Variants in PCDH7 observed in about 807,000 individuals in gnomAD.
PCDH7 encodes protocadherin-7.
Under a neutral mutation model 58.9 loss-of-function variants are expected in PCDH7, and 17 were observed. The ratio of observed to expected loss-of-function variants is 0.29; its 90% CI spans 0.20 to 0.43. PCDH7 has a LOEUF of 0.43. PCDH7 is among the 20% of genes least tolerant of loss of function. The pLI, the probability that PCDH7 is intolerant of heterozygous loss-of-function variation, is 1.00. For missense variants in PCDH7, 1,274 were observed against 1,441.0 expected (o/e 0.88, Z 1.88); for synonymous variants, 664 against 616.4 (o/e 1.08, Z -1.14).
intron 1 of PCDH7, among the ~76,000 whole-genome samples, chr4:30,796,655 G>A (rs1011280722): frequency 5.3e-5 from 8 of 152,160 alleles, no homozygotes; most frequent in South Asian, 4.1e-4. Context: ...GTTTGAGTGT[G>A]CTCAGATATA....
intron 2 of PCDH7, among the ~76,000 whole-genome samples, chr4:30,924,775 G>T (rs1171010660): frequency 6.7e-6 from 1 of 149,278 alleles, no homozygotes; most frequent in Admixed American, 6.8e-5. Flanking sequence ...AAGCACATGT[G>T]TTTTCTTACT....
At chr4:31,093,032 G>T (rs1383970149) in intron 3 of PCDH7, among the ~76,000 whole-genome samples, 1 of 152,066 alleles carries the variant, frequency 6.6e-6, no homozygotes, top group Non-Finnish European at 1.5e-5. Flanking sequence ...TGTATTAAGA[G>T]TGTGCGTCTG....
At chr4:30,940,238 CT>C (rs1206693414) in intron 2 of PCDH7, among the ~76,000 whole-genome samples, 1 of 151,750 alleles carries the variant, frequency 6.6e-6, no homozygotes, top group African/African-American at 2.4e-5. Context: ...GAGTAGATTG[CT>C]TTTTTTGTCT....
chr4:31,081,993 G>A (rs1434252048), intron 3 of PCDH7, among the ~76,000 whole-genome samples: 1 of 152,072 alleles, frequency 6.6e-6, no homozygotes, highest in Non-Finnish European at 1.5e-5. Context: ...GGCTGGTCTT[G>A]AACTGGCTGG....
intron 3 of PCDH7, among the ~76,000 whole-genome samples, chr4:31,029,688 A>C (rs145172376): frequency 6.1e-4 from 93 of 152,350 alleles, no homozygotes; most frequent in Admixed American, 1.4e-3. Context: ...GGAGTGGTCC[A>C]GAATTCTAAT....
chr4:30,913,194 T>C (rs1362437822), intron 1 of PCDH7, among the ~76,000 whole-genome samples: 1 of 151,830 alleles, frequency 6.6e-6, no homozygotes, highest in African/African-American at 2.4e-5. Context: ...ATAACATTAA[T>C]AGTCATGTGA....
chr4:30,730,232 T>C (rs1158023583), intron 1 of PCDH7, among the ~76,000 whole-genome samples: 1 of 152,118 alleles, frequency 6.6e-6, no homozygotes, highest in East Asian at 1.9e-4. Flanking sequence ...ATTTATTTAC[T>C]ATGACTCTAT....
At chr4:30,869,279 T>C (rs1479402817) in intron 1 of PCDH7, among the ~76,000 whole-genome samples, 1 of 144,044 alleles carries the variant, frequency 6.9e-6, no homozygotes, top group Non-Finnish European at 1.5e-5. Flanking sequence ...AATAATTATG[T>C]TGATTTACTT....
At chr4:30,957,103 A>G (rs1747942907) in intron 3 of PCDH7, among the ~76,000 whole-genome samples, 1 of 152,132 alleles carries the variant, frequency 6.6e-6, no homozygotes, top group Admixed American at 6.6e-5. Flanking sequence ...TATCACCACC[A>G]TCTCATGGCT....
intron 1 of PCDH7, among the ~76,000 whole-genome samples, chr4:30,755,325 T>C (rs1719150067): frequency 6.6e-6 from 1 of 152,334 alleles, no homozygotes; most frequent in Non-Finnish European, 1.5e-5. Context: ...ACTTGCCTTA[T>C]AATTGCTTTT....
intron 3 of PCDH7, among the ~76,000 whole-genome samples, chr4:30,994,060 C>A (rs1165812722): frequency 9.1e-6 from 1 of 109,676 alleles, no homozygotes; most frequent in Non-Finnish European, 1.8e-5. Flanking sequence ...TTTATGTAGA[C>A]AAATAAGTAT....
At chr4:30,758,940 G>GCTTT (rs1553880707) in intron 1 of PCDH7, among the ~76,000 whole-genome samples, 13 of 124,242 alleles carry the variant, frequency 1.0e-4, no homozygotes, top group Non-Finnish European at 8.3e-5. Context: ...TTGAAGAAGT[G>GCTTT]TTTTTTTTTT....
chr4:30,829,025 A>T (rs1729452931), intron 1 of PCDH7, among the ~76,000 whole-genome samples: 1 of 152,098 alleles, frequency 6.6e-6, no homozygotes, highest in Non-Finnish European at 1.5e-5. Flanking sequence ...ATGAAGGTTT[A>T]TGCCTGAGTT....
chr4:30,807,274 T>A (rs937481831), intron 1 of PCDH7, among the ~76,000 whole-genome samples: 47 of 152,264 alleles, frequency 3.1e-4, no homozygotes, highest in African/African-American at 1.1e-3. Flanking sequence ...TATTTGTTTT[T>A]ATCATTAGTT....
chr4:30,854,558 C>G (rs1481524928), intron 1 of PCDH7, among the ~76,000 whole-genome samples: 1 of 151,690 alleles, frequency 6.6e-6, no homozygotes, highest in Non-Finnish European at 1.5e-5. Flanking sequence ...TTGAATCTTC[C>G]TATTACTTTT....
At chr4:31,062,962 A>G (rs906559915) in intron 3 of PCDH7, among the ~76,000 whole-genome samples, 37 of 151,906 alleles carry the variant, frequency 2.4e-4, no homozygotes, top group African/African-American at 8.7e-4. Context: ...TATAGCTAGT[A>G]TAACTACAGA....
chr4:31,125,224 A>G (rs1283154065), intron 3 of PCDH7, among the ~76,000 whole-genome samples: 1 of 152,208 alleles, frequency 6.6e-6, no homozygotes, highest in Non-Finnish European at 1.5e-5. Context: ...ACCTCCAGGA[A>G]AAACAGGTTG....
chr4:30,766,374 C>A (rs908902597), intron 1 of PCDH7, among the ~76,000 whole-genome samples: 2 of 152,018 alleles, frequency 1.3e-5, no homozygotes, highest in East Asian at 3.9e-4. Flanking sequence ...AAAAAATTTT[C>A]TTTGAATAAG....
intron 3 of PCDH7, among the ~76,000 whole-genome samples, chr4:31,002,118 A>AT (rs980653430): frequency 3.3e-5 from 5 of 152,184 alleles, no homozygotes; most frequent in African/African-American, 9.7e-5. Flanking sequence ...GTCAACCTGA[A>AT]TTTTTTCACC....
Sources: gnomAD v4.1 joint callset for allele counts (sites outside exome capture counted in the v4.1 genomes callset) on GRCh38, gnomAD v4.1.1 for gene constraint, MANE v1.5 for transcripts, NCBI Gene and HGNC (gene_info 2026-07-23, HGNC 2026-07-21) for gene names.